RHOT1: variants seen among roughly 807,000 people sequenced by gnomAD.
RHOT1 encodes the protein ras homolog family member T1, also known as mitochondrial Rho GTPase 1.
A neutral mutation model predicts 95.3 loss-of-function variants in RHOT1; 27 were observed. The ratio of observed to expected loss-of-function variants is 0.28; its 90% CI spans 0.21 to 0.39. The LOEUF (loss-of-function observed/expected upper bound fraction) is 0.39, where lower values mean the gene tolerates loss of function less well. Ranked by LOEUF, RHOT1 falls within the 10% of genes least tolerant of loss-of-function variation. RHOT1 has a pLI of 1.00. For synonymous variants in RHOT1, 227 were observed against 263.5 expected, an observed-to-expected ratio of 0.86 and a Z score of 1.34; for missense variants, 578 against 786.7, an observed-to-expected ratio of 0.73 and a Z score of 3.17.
At chr17:32,169,353 A>C (rs1199949850) in intron 1 of RHOT1, among the ~76,000 whole-genome samples, 1 of 152,238 alleles carries the variant, frequency 6.6e-6, no homozygotes, top group African/African-American at 2.4e-5. Context: ...AATGTCTAAC[A>C]ATAGTAATTA....
At chr17:32,209,947 AT>A (rs2038011969) in intron 18 of RHOT1, among the ~76,000 whole-genome samples, 1 of 151,922 alleles carries the variant, frequency 6.6e-6, no homozygotes, top group South Asian at 2.1e-4. Context: ...GTCAAAAAAA[AT>A]GAAAAAAAAA....
intron 19 of RHOT1, among the ~76,000 whole-genome samples, chr17:32,218,987 A>G (rs1024662320): frequency 1.3e-5 from 2 of 152,150 alleles, no homozygotes; most frequent in Non-Finnish European, 2.9e-5. Context: ...TTAGGGTATT[A>G]TCTTAAAAAT....
intron 16 of RHOT1, among the ~76,000 whole-genome samples, chr17:32,205,735 A>G (rs2037670221): frequency 1.3e-5 from 2 of 152,168 alleles, no homozygotes; most frequent in African/African-American, 2.4e-5. Context: ...AGCCTGACCA[A>G]CGTGGAGAAA....
At chr17:32,167,630 G>A (rs902663392) in intron 1 of RHOT1, among the ~76,000 whole-genome samples, 1 of 152,204 alleles carries the variant, frequency 6.6e-6, no homozygotes, top group African/African-American at 2.4e-5. Flanking sequence ...CCACTTAAAG[G>A]CAGCAACCTG....
At chr17:32,176,828 C>T (rs1355717594) in intron 6 of RHOT1, among the ~76,000 whole-genome samples, 2 of 152,094 alleles carry the variant, frequency 1.3e-5, no homozygotes, top group African/African-American at 4.8e-5. Context: ...GCCTTGGCCT[C>T]CCAAAGTGCT....
At chr17:32,211,550 A>G (rs2038136350) in intron 19 of RHOT1, 1 of 186,302 alleles carries the variant, frequency 5.4e-6, no homozygotes, top group African/African-American at 2.3e-5. Flanking sequence ...GCTGTGAGTT[A>G]ATAGATTAGG....
intron 19 of RHOT1, among the ~76,000 whole-genome samples, chr17:32,212,062 A>T (rs970600321): frequency 3.3e-5 from 5 of 152,210 alleles, no homozygotes; most frequent in Non-Finnish European, 7.3e-5. Context: ...TCATATGTGT[A>T]TGCATTAGGT....
At chr17:32,201,843 C>CTAG (rs1165544850) in intron 14 of RHOT1, among the ~76,000 whole-genome samples, 1 of 151,952 alleles carries the variant, frequency 6.6e-6, no homozygotes, top group Non-Finnish European at 1.5e-5. Context: ...TCTACTATCA[C>CTAG]TAGTATCTCT....
chr17:32,179,410 C>T (rs2035373001), intron 6 of RHOT1: 1 of 146,256 alleles, frequency 6.8e-6, no homozygotes, highest in Non-Finnish European at 1.5e-5. Context: ...CCCGGCCACC[C>T]CATCTGGGAA....
intron 1 of RHOT1, among the ~76,000 whole-genome samples, chr17:32,157,283 A>G (rs1353289322): frequency 6.6e-6 from 1 of 152,210 alleles, no homozygotes; most frequent in Non-Finnish European, 1.5e-5. Flanking sequence ...TGCATTTATT[A>G]AGTGCCATGG....
At chr17:32,151,134 G>A in intron 1 of RHOT1, 1 of 833,188 alleles carries the variant, frequency 1.2e-6, no homozygotes. Context: ...CATGACACTG[G>A]GTTCTTTACT....
chr17:32,142,944 C>T, intron 1 of RHOT1: 1 of 716,112 alleles, frequency 1.4e-6, no homozygotes, highest in Non-Finnish European at 2.6e-6. Flanking sequence ...TGTCACCTCA[C>T]CTGGGCCCTC....
At chr17:32,191,479 A>G (rs2036484790) in intron 8 of RHOT1, among the ~76,000 whole-genome samples, 1 of 152,186 alleles carries the variant, frequency 6.6e-6, no homozygotes, top group South Asian at 2.1e-4. Flanking sequence ...ATTACCCTAT[A>G]GTGGTTATAC....
chr17:32,212,359 C>A (rs564844190), intron 19 of RHOT1, among the ~76,000 whole-genome samples: 68 of 152,278 alleles, frequency 4.5e-4, no homozygotes, highest in South Asian at 1.4e-3. Context: ...AAGAATGCAA[C>A]CATCTCAGGT....
chr17:32,217,210 C>T (rs1428009672), intron 19 of RHOT1, among the ~76,000 whole-genome samples: 1 of 152,156 alleles, frequency 6.6e-6, no homozygotes, highest in Non-Finnish European at 1.5e-5. Flanking sequence ...CATTAGTGCA[C>T]ACCTGTGTCG....
chr17:32,211,740 G>A (rs79998800), intron 19 of RHOT1, among the ~76,000 whole-genome samples: 1 of 152,202 alleles, frequency 6.6e-6, no homozygotes, highest in Non-Finnish European at 1.5e-5. Flanking sequence ...AGTACCTGGA[G>A]TGTTTATTTG....
chr17:32,189,357 A>C (rs567029526), intron 8 of RHOT1, among the ~76,000 whole-genome samples: 1 of 152,350 alleles, frequency 6.6e-6, no homozygotes, highest in Admixed American at 6.5e-5. Context: ...ATTCTGATTC[A>C]GCTAGGTGTT....
At chr17:32,204,284 C>T (rs1346612038) in intron 16 of RHOT1, among the ~76,000 whole-genome samples, 1 of 152,076 alleles carries the variant, frequency 6.6e-6, no homozygotes, top group Non-Finnish European at 1.5e-5. Context: ...GGCGTGGTGG[C>T]TCACGCCTGT....
intron 1 of RHOT1, among the ~76,000 whole-genome samples, chr17:32,161,518 T>C (rs2033554800): frequency 6.6e-6 from 1 of 152,196 alleles, no homozygotes; most frequent in Non-Finnish European, 1.5e-5. Flanking sequence ...CCTCACATAA[T>C]CCTAACCTTG....
Sources: allele counts gnomAD v4.1 joint callset (sites outside exome capture counted in the v4.1 genomes callset), GRCh38; gene constraint gnomAD v4.1.1; transcripts MANE v1.5; gene names NCBI Gene and HGNC (gene_info 2026-07-23, HGNC 2026-07-21).